PKP2: variants seen among roughly 807,000 people sequenced by gnomAD.
The protein encoded by PKP2 is plakophilin 2.
A neutral mutation model predicts 83.4 loss-of-function variants in PKP2; 73 were observed. That is an observed-to-expected ratio of 0.88 (90% CI 0.72 to 1.06). PKP2 has a LOEUF of 1.06. Ranked by LOEUF, PKP2 falls within the 50% of genes least tolerant of loss-of-function variation. The pLI is 0.00. For missense variants in PKP2, 966 were observed against 1,065.4 expected (o/e 0.91, Z 1.30); for synonymous variants, 409 against 430.4 (o/e 0.95, Z 0.62).
chr12:32,867,426 C>T (rs1413235232), intron 4 of PKP2, among the ~76,000 whole-genome samples: 6 of 152,234 alleles, frequency 3.9e-5, no homozygotes, highest in Admixed American at 2.0e-4. Flanking sequence ...CACAAGAAAA[C>T]GCTGGAGGTA....
At chr12:32,801,121 T>C (rs991074227) in intron 10 of PKP2, among the ~76,000 whole-genome samples, 2 of 152,230 alleles carry the variant, frequency 1.3e-5, no homozygotes, top group Non-Finnish European at 2.9e-5. Context: ...CTTTTCTCTG[T>C]TATCCTTAAA....
intron 1 of PKP2, among the ~76,000 whole-genome samples, chr12:32,886,755 G>C (rs543286142): frequency 1.2e-4 from 19 of 152,278 alleles, no homozygotes; most frequent in African/African-American, 4.1e-4. Flanking sequence ...ACTTGGGGAG[G>C]CTGAGGTGGG....
chr12:32,796,037 C>T lies in PKP2; in HGVS notation c.2357+72G>A, dbSNP rs61927769. 644,039 of 1,347,466 alleles carry T rather than the reference C, an allele frequency of 0.48. 166,069 individuals carry two copies. The highest frequency in any genetic ancestry group is 0.54 in the Non-Finnish European group (509,293 of 939,506). 83.5% of individuals were successfully genotyped at this position (1,347,466 alleles called of 1,614,324 possible). On this transcript the variant is annotated intron_variant, in intron 11 of 12. Coordinates refer to ENST00000340811, the MANE Select transcript of PKP2 (RefSeq NM_001005242.3). ...CATGATGGTCATGACCGCACATTCA[C>T]AACCGGATTATTTACACACAGGCTG... is the stretch of plus-strand genomic sequence containing the variant.
chr12:32,886,784 G>A (rs60955830), intron 1 of PKP2, among the ~76,000 whole-genome samples: 9,630 of 152,130 alleles, frequency 0.063, 1,049 homozygotes, highest in African/African-American at 0.22. Flanking sequence ...TCGAGTCCAA[G>A]AGTTTGAGAC....
At chr12:32,879,787 C>T (rs998964481) in intron 1 of PKP2, among the ~76,000 whole-genome samples, 4 of 148,198 alleles carry the variant, frequency 2.7e-5, no homozygotes, top group Admixed American at 6.8e-5. Context: ...GCTGAGATTG[C>T]GCCATTGCAC....
chr12:32,892,495 T>C lies in PKP2; in HGVS notation c.223+4014A>G, dbSNP rs180849316. On this transcript the variant is annotated intron_variant, in intron 1 of 12. Coordinates refer to ENST00000340811, the MANE Select transcript of PKP2 (RefSeq NM_001005242.3). ...ACCTGGCTAATTTGTTTTTTATTTT[T>C]AGTAGACACAGGGTTTCACCATGTT... Among the ~76,000 whole-genome samples, 27 of 152,010 alleles carry C rather than the reference T, an allele frequency of 1.8e-4. No individual in the cohort carries two copies. The East Asian group carries it at 3.7e-3, about 21-fold the overall frequency.
At chr12:32,844,546 G>T (rs1312496218) in intron 5 of PKP2, among the ~76,000 whole-genome samples, 2 of 152,118 alleles carry the variant, frequency 1.3e-5, no homozygotes, top group Non-Finnish European at 2.9e-5. Context: ...ACTAGAGGAG[G>T]CAAAACCAGA....
Position 32,802,461 on chromosome 12 carries a change from C to A in PKP2, c.2109G>T (p.Lys703Asn). 6.2e-7 allele frequency: 1 copy of A among 1,614,154 alleles called. No homozygotes were observed. The highest frequency in any genetic ancestry group is 8.5e-7 in the Non-Finnish European group (1 of 1,180,026). Residue 703 changes from lysine to asparagine, a missense_variant, in exon 10 of 13, where the codon AAG becomes AAT. By Grantham distance (94) the Lys-to-Asn change is moderately conservative (BLOSUM62 0). Transcript: ENST00000340811. ...MLHVGDPSVK[K>N]TAISLLRNLS... ...GATTCCTCAGCAGCGAGATGGCTGTCTTTTTCACACTTGGGTCACCAACAT... is the reference window on the plus strand; with the variant it reads ...GATTCCTCAGCAGCGAGATGGCTGTATTTTTCACACTTGGGTCACCAACAT...
At chr12:32,883,712 C>G (rs1425448267) in intron 1 of PKP2, among the ~76,000 whole-genome samples, 1 of 152,106 alleles carries the variant, frequency 6.6e-6, no homozygotes, top group Non-Finnish European at 1.5e-5. Context: ...CATCTGGAAC[C>G]CCTATTCTAC....
chr12:32,847,540 A>G (rs1956657893), intron 5 of PKP2, among the ~76,000 whole-genome samples: 1 of 152,182 alleles, frequency 6.6e-6, no homozygotes, highest in African/African-American at 2.4e-5. Context: ...ACACACACAC[A>G]CACGCACGCA....
intron 4 of PKP2, 89 bp from the exon 5 acceptor site, chr12:32,851,062 A>G (rs1474287588): frequency 1.9e-6 from 2 of 1,036,972 alleles, no homozygotes; most frequent in Non-Finnish European, 2.9e-6. Context: ...AAGTTTACTG[A>G]TGCTGACTAT....
chr12:32,832,688 C>G (rs1956511446), intron 6 of PKP2, among the ~76,000 whole-genome samples: 1 of 152,190 alleles, frequency 6.6e-6, no homozygotes, highest in Admixed American at 6.5e-5. Context: ...TTTGTTTGCA[C>G]TATCTCATCT....
At chr12:32,833,668 A>G (rs1185263494) in intron 6 of PKP2, among the ~76,000 whole-genome samples, 2 of 152,224 alleles carry the variant, frequency 1.3e-5, no homozygotes, top group Non-Finnish European at 2.9e-5. Context: ...AGGATATTAT[A>G]CATTCAAAAC....
intron 4 of PKP2, chr12:32,863,278 A>C: frequency 3.8e-6 from 1 of 262,004 alleles, no homozygotes; most frequent in East Asian, 1.0e-4. Context: ...CAACACGGTG[A>C]CTCCTGGCAG....
At chr12:32,854,287 C>G (rs948269223) in intron 4 of PKP2, among the ~76,000 whole-genome samples, 9 of 152,144 alleles carry the variant, frequency 5.9e-5, no homozygotes, top group Non-Finnish European at 7.3e-5. Context: ...TGCTCTAGCC[C>G]GGAAAGAGAG....
In PKP2 at chr12:32,889,640, A is replaced by G. The variant is rs914044490; in HGVS notation, c.223+6869T>C. On this transcript the variant is annotated intron_variant, in intron 1 of 12. Coordinates refer to ENST00000340811, the MANE Select transcript of PKP2 (RefSeq NM_001005242.3). ...TTCTGTGGCTCACCAGAATGGAACT[A>G]AAATGTGAGTATGATAGTCACATAC... 2.6e-5 allele frequency among the ~76,000 whole-genome samples: 4 copies of G among 152,236 alleles called. No homozygotes were observed. The East Asian group carries it at 5.8e-4, about 22-fold the overall frequency.
At position 32,870,364 on chromosome 12, in the gene PKP2, C is replaced by G. The variant is rs1197989160; in HGVS notation, c.1035-1302G>C. ...GCGCCTCATGACCAAAAACTAATAC[C>G]CCCTGCTTCTGAAACACGTGTTCAA... On this transcript the variant is annotated intron_variant, in intron 3 of 12. Coordinates refer to ENST00000340811, the MANE Select transcript of PKP2 (RefSeq NM_001005242.3). Among the ~76,000 whole-genome samples the G allele has an allele frequency of 2.6e-5, 4 of 151,968 alleles. No individual in the cohort carries two copies. The East Asian group carries it at 5.8e-4, about 22-fold the overall frequency.
At chr12:32,812,334 C>G (rs1405225097) in intron 9 of PKP2, among the ~76,000 whole-genome samples, 3 of 152,080 alleles carry the variant, frequency 2.0e-5, no homozygotes, top group Admixed American at 6.5e-5. Flanking sequence ...CTCACTTCCA[C>G]GGTAACATGG....
chr12:32,822,689 A>T, intron 7 of PKP2, 58 bp from the exon 8 acceptor site: 3 of 1,565,662 alleles, frequency 1.9e-6, no homozygotes, highest in Non-Finnish European at 2.6e-6. Flanking sequence ...TGCAGGTGTG[A>T]TATCACAGGA....
Sources: gnomAD v4.1 joint callset for allele counts (sites outside exome capture counted in the v4.1 genomes callset) on GRCh38, gnomAD v4.1.1 for gene constraint, MANE v1.5 for transcripts, NCBI Gene and HGNC (gene_info 2026-07-23, HGNC 2026-07-21) for gene names.